Variants in CAMK1D observed in about 807,000 individuals in gnomAD.
CAMK1D encodes the protein calcium/calmodulin dependent protein kinase ID.
Under a neutral mutation model 47.7 loss-of-function variants are expected in CAMK1D, and 9 were observed. That is an observed-to-expected ratio of 0.19 (90% CI 0.11 to 0.33). The LOEUF is 0.33. Ranked by LOEUF, CAMK1D falls within the 10% of genes least tolerant of loss-of-function variation. The probability of loss-of-function intolerance (pLI) is 1.00; values close to 1 mark genes in which losing one functional copy is unlikely to be tolerated. For synonymous variants in CAMK1D, 184 were observed against 184.9 expected (o/e 0.99, Z 0.04); for missense variants, 291 against 488.7 (o/e 0.60, Z 3.81).
intron 3 of CAMK1D, among the ~76,000 whole-genome samples, chr10:12,707,618 G>T (rs543859125): frequency 4.0e-4 from 61 of 152,312 alleles, no homozygotes; most frequent in Admixed American, 1.9e-3. Context: ...GGGAAGGGAA[G>T]GCTTGCTCAG....
chr10:12,682,669 C>G (rs889967770), intron 3 of CAMK1D, among the ~76,000 whole-genome samples: 4 of 152,154 alleles, frequency 2.6e-5, no homozygotes, highest in Non-Finnish European at 4.4e-5. Flanking sequence ...TAGTAATCAT[C>G]AAATGCAACT....
At chr10:12,509,926 G>T (rs1273820713) in intron 1 of CAMK1D, among the ~76,000 whole-genome samples, 1 of 152,198 alleles carries the variant, frequency 6.6e-6, no homozygotes, top group African/African-American at 2.4e-5. Context: ...GAGTTAAACA[G>T]CCTCCTAGGC....
intron 2 of CAMK1D, among the ~76,000 whole-genome samples, chr10:12,656,834 A>G (rs1027206335): frequency 1.3e-5 from 2 of 151,946 alleles, no homozygotes; most frequent in African/African-American, 4.8e-5. Flanking sequence ...AATATGTTAC[A>G]TGTGTGTGTG....
At chr10:12,401,347 A>ATATATTATGTATATATTTT (rs1839217113) in intron 1 of CAMK1D, among the ~76,000 whole-genome samples, 1 of 118,420 alleles carries the variant, frequency 8.4e-6, no homozygotes, top group Admixed American at 1.2e-4. Flanking sequence ...TAATATATAT[A>ATATATTATGTATATATTTT]AAGCTCAAAT....
chr10:12,435,221 C>CAAAA lies in CAMK1D; in HGVS notation c.92+85333_92+85336dup, dbSNP rs910066372. Among the ~76,000 whole-genome samples the CAAAA allele has an allele frequency of 4.7e-3, 206 of 43,946 alleles. 2 individuals carry two copies. The highest frequency in any genetic ancestry group is 7.8e-3 in the East Asian group (13 of 1,664). The allele number at this position is 43,946 out of a possible 152,430, so 28.8% of individuals were successfully genotyped here. On this transcript the variant is annotated intron_variant, in intron 1 of 10. Coordinates refer to ENST00000619168, the MANE Select transcript of CAMK1D (RefSeq NM_153498.4). ...ATGGGCGAGGAGTGAAACTCTGTCT[C>CAAAA]AAAAAAAAAAAAAAAAAAAAAAAAA...
intron 1 of CAMK1D, among the ~76,000 whole-genome samples, chr10:12,541,862 C>CCTTCCTT (rs1554785269): frequency 7.0e-6 from 1 of 141,976 alleles, no homozygotes; most frequent in Non-Finnish European, 1.5e-5. Flanking sequence ...TTCCTTCCTT[C>CCTTCCTT]CTTCCTTCCT....
At chr10:12,444,166 C>G (rs1261302076) in intron 1 of CAMK1D, among the ~76,000 whole-genome samples, 4 of 152,166 alleles carry the variant, frequency 2.6e-5, no homozygotes, top group Admixed American at 1.3e-4. Flanking sequence ...GGTTTATCAG[C>G]AAGGTCTTTA....
intron 3 of CAMK1D, among the ~76,000 whole-genome samples, chr10:12,701,725 C>T (rs1833526646): frequency 6.6e-6 from 1 of 152,222 alleles, no homozygotes; most frequent in Non-Finnish European, 1.5e-5. Context: ...TCCAAACATA[C>T]TCATTTGCTT....
At chr10:12,734,385 GATATAGATAT>G (rs1835057441) in intron 3 of CAMK1D, among the ~76,000 whole-genome samples, 1 of 47,024 alleles carries the variant, frequency 2.1e-5, no homozygotes, top group Non-Finnish European at 3.8e-5. Flanking sequence ...TATAGATATA[GATATAGATAT>G]ATATATATAT....
chr10:12,745,562 T>C (rs1219065839), intron 3 of CAMK1D, among the ~76,000 whole-genome samples: 1 of 152,124 alleles, frequency 6.6e-6, no homozygotes, highest in Non-Finnish European at 1.5e-5. Context: ...TTTGTTTTAG[T>C]TTTGTTTTTC....
chr10:12,462,845 A>G (rs539199741), intron 1 of CAMK1D, among the ~76,000 whole-genome samples: 2 of 152,258 alleles, frequency 1.3e-5, no homozygotes, highest in African/African-American at 4.8e-5. Flanking sequence ...ACAGGCATGC[A>G]CCACCATGCC....
chr10:12,658,307 G>A (rs950050760), intron 2 of CAMK1D, among the ~76,000 whole-genome samples: 8 of 152,130 alleles, frequency 5.3e-5, no homozygotes, highest in Non-Finnish European at 8.8e-5. Context: ...ACTCAGAGAC[G>A]AAGGTGTGCA....
intron 1 of CAMK1D, among the ~76,000 whole-genome samples, chr10:12,470,414 T>C (rs529743280): frequency 2.6e-5 from 4 of 152,336 alleles, no homozygotes; most frequent in Admixed American, 2.0e-4. Flanking sequence ...TGTTGTTTCT[T>C]CCCTTTTCCA....
At chr10:12,731,299 G>T (rs1269071130) in intron 3 of CAMK1D, among the ~76,000 whole-genome samples, 4 of 152,182 alleles carry the variant, frequency 2.6e-5, no homozygotes, top group African/African-American at 4.8e-5. Context: ...AGATGCTTCT[G>T]GTGGTGAAAG....
chr10:12,419,183 C>T (rs139497571), intron 1 of CAMK1D, among the ~76,000 whole-genome samples: 1 of 151,954 alleles, frequency 6.6e-6, no homozygotes, highest in East Asian at 1.9e-4. Context: ...ATGACTTTAC[C>T]ATATATTTTC....
intron 3 of CAMK1D, among the ~76,000 whole-genome samples, chr10:12,696,382 C>CA: frequency 6.6e-6 from 1 of 152,044 alleles, no homozygotes; most frequent in Non-Finnish European, 1.5e-5. Context: ...ACTAAAAACA[C>CA]AACAATTATC....
intron 1 of CAMK1D, among the ~76,000 whole-genome samples, chr10:12,426,280 C>G (rs1207710519): frequency 2.6e-5 from 4 of 152,068 alleles, no homozygotes; most frequent in African/African-American, 9.7e-5. Flanking sequence ...GAGTTTTTCT[C>G]TTGTTGACCA....
intron 1 of CAMK1D, among the ~76,000 whole-genome samples, chr10:12,489,910 C>G (rs1456341019): frequency 6.6e-6 from 1 of 152,164 alleles, no homozygotes; most frequent in Non-Finnish European, 1.5e-5. Context: ...ACCTCCGAGT[C>G]TGCATTCCGG....
intron 3 of CAMK1D, among the ~76,000 whole-genome samples, chr10:12,677,500 A>C (rs1339202422): frequency 1.3e-5 from 2 of 152,080 alleles, no homozygotes; most frequent in African/African-American, 4.8e-5. Context: ...TATAGAGAGG[A>C]GAGATTATAA....
Sources: gnomAD v4.1 joint callset for allele counts (sites outside exome capture counted in the v4.1 genomes callset) on GRCh38, gnomAD v4.1.1 for gene constraint, MANE v1.5 for transcripts, NCBI Gene and HGNC (gene_info 2026-07-23, HGNC 2026-07-21) for gene names.